ARHGAP11A: variants seen among roughly 807,000 people sequenced by gnomAD.
ARHGAP11A encodes the protein Rho GTPase activating protein 11A, also known as rho GTPase-activating protein 11A.
A neutral mutation model predicts 60.5 loss-of-function variants in ARHGAP11A; 36 were observed. The ratio of observed to expected loss-of-function variants is 0.59; its 90% CI spans 0.46 to 0.79. The LOEUF (loss-of-function observed/expected upper bound fraction) is 0.79. Ranked by LOEUF, ARHGAP11A falls within the 30% of genes least tolerant of loss-of-function variation. The probability of loss-of-function intolerance (pLI) is 0.00; values close to 1 mark genes in which losing one functional copy is unlikely to be tolerated. For missense variants in ARHGAP11A, 1,071 were observed against 1,199.2 expected (o/e 0.89, Z 1.58); for synonymous variants, 362 against 415.5 (o/e 0.87, Z 1.57).
rs991871454 is a variant in ARHGAP11A at position 32,639,745 on chromosome 15, GTAGGGTAAC to G, written c.*1904_*1912del. 2.6e-5 allele frequency: 4 copies of G among 152,202 alleles called. No homozygotes were observed. Among genetic ancestry groups the G allele is most frequent in the Non-Finnish European group, 5.9e-5 (4 of 68,026 alleles). The allele number at this position is 152,202 out of a possible 1,614,324, so 9.4% of individuals were successfully genotyped here. A position where few individuals can be genotyped will look rare whatever the true frequency, so the allele number is the denominator to read the frequency against. The stretch of plus-strand genomic sequence containing the variant: ...GAATGTGAAGGTGACTAGCTTGAAG[GTAGGGTAAC>G]TAGAGAGCCAGAAAAGTTTTGTTTT... On this transcript the variant is annotated 3_prime_UTR_variant, in exon 12 of 12. Coordinates refer to ENST00000361627, the MANE Select transcript of ARHGAP11A (RefSeq NM_014783.6).
chr15:32,631,883 C>T (rs984277299), intron 8 of ARHGAP11A, among the ~76,000 whole-genome samples: 5 of 152,108 alleles, frequency 3.3e-5, no homozygotes, highest in African/African-American at 7.2e-5. Context: ...ACCATGTTGG[C>T]CAGGCTGGTT....
rs571454562 is a variant in ARHGAP11A at position 32,631,502 on chromosome 15, G to A, written c.1106-1477G>A. ...TTTAGTAGAGACGGGGTTTCACCAC[G>A]TTGGCCAGGCTGGTCTTGAACTCCC... On this transcript the variant is annotated intron_variant, in intron 8 of 11. Coordinates refer to ENST00000361627, the MANE Select transcript of ARHGAP11A (RefSeq NM_014783.6). Among the ~76,000 whole-genome samples the A allele has an allele frequency of 2.0e-4, 30 of 152,240 alleles. No individual in the cohort carries two copies. The South Asian group carries it at 3.7e-3, about 19-fold the overall frequency.
rs2053777695 is a variant in ARHGAP11A at position 32,638,550 on chromosome 15, T to A, written c.*705T>A. On this transcript the variant is annotated 3_prime_UTR_variant, in exon 12 of 12. Coordinates refer to ENST00000361627, the MANE Select transcript of ARHGAP11A (RefSeq NM_014783.6). ...AAAGGGTAGAGATAAACTCTGCAAATCTTATGTCTGGAATTATATTAATGT... is the reference window on the plus strand; with the variant it reads ...AAAGGGTAGAGATAAACTCTGCAAAACTTATGTCTGGAATTATATTAATGT... The A allele has an allele frequency of 2.6e-5, 4 of 152,364 alleles. No individual in the cohort carries two copies. In the South Asian group the frequency reaches 8.3e-4, roughly 32 times the overall value. 9.4% of individuals were successfully genotyped at this position (152,364 alleles called of 1,614,324 possible).
chr15:32,637,771 T>G lies in ARHGAP11A; in HGVS notation c.2998T>G (p.Trp1000Gly). Residue 1000 changes from tryptophan (W) to glycine (G), a missense_variant, in exon 12 of 12, where the codon TGG (tryptophan) becomes GGG (glycine). Transcript: ENST00000361627. ...GAGACCATCAGAAAGAGGAAGGGCC[T>G]GGTACAAAGGTTCTCCAAAACATCC... is the stretch of plus-strand genomic sequence containing the variant. Reference protein sequence around the residue: ...LRRPSERGRAWYKGSPKHPIG... With the variant: ...LRRPSERGRAGYKGSPKHPIG... 1 of 1,613,784 alleles carries G rather than the reference T, an allele frequency of 6.2e-7. No homozygotes were observed. The highest frequency in any genetic ancestry group is 8.5e-7 in the Non-Finnish European group (1 of 1,179,918).
At chr15:32,621,596 CG>C (rs1473612671) in intron 2 of ARHGAP11A, among the ~76,000 whole-genome samples, 3 of 152,288 alleles carry the variant, frequency 2.0e-5, no homozygotes, top group Non-Finnish European at 2.9e-5. Context: ...GAGGCCGAGG[CG>C]GGCAGATTAC....
At position 32,628,163 on chromosome 15, in the gene ARHGAP11A, T is replaced by G. The variant is rs533322435; in HGVS notation, c.863-565T>G. Among the ~76,000 whole-genome samples, 7 of 152,326 alleles carry G rather than the reference T, an allele frequency of 4.6e-5. No individual in the cohort carries two copies. The South Asian group carries it at 1.5e-3, about 32-fold the overall frequency. ...ACTCAAGTATCTCACACACATACCC[T>G]TCAGAAATTTTAATTGGTAATAGGG... On this transcript the variant is annotated intron_variant, in intron 6 of 11. Coordinates refer to ENST00000361627, the MANE Select transcript of ARHGAP11A (RefSeq NM_014783.6).
At position 32,619,987 on chromosome 15, in the gene ARHGAP11A, T is replaced by C; in HGVS notation, c.130-121T>C. On this transcript the variant is annotated intron_variant, in intron 1 of 11. Coordinates refer to ENST00000361627, the MANE Select transcript of ARHGAP11A (RefSeq NM_014783.6). ...AAATGATTATTTTTGTCTTGATAGA[T>C]AGTTTATCATTTATTTCTGATTTTT... The C allele has an allele frequency of 6.5e-6, 10 of 1,527,110 alleles. No individual in the cohort carries two copies. The South Asian group carries it at 1.2e-4, about 19-fold the overall frequency. 94.6% of individuals were successfully genotyped at this position (1,527,110 alleles called of 1,614,324 possible).
At chr15:32,629,253 A>C (rs1267527309) in intron 7 of ARHGAP11A, among the ~76,000 whole-genome samples, 1 of 145,774 alleles carries the variant, frequency 6.9e-6, no homozygotes, top group Non-Finnish European at 1.5e-5. Flanking sequence ...CTTATGATGA[A>C]AAGCAAAAAT....
intron 8 of ARHGAP11A, 21 bp from the exon 9 acceptor site, chr15:32,632,958 T>G: frequency 6.2e-7 from 1 of 1,605,248 alleles, no homozygotes; most frequent in Non-Finnish European, 8.5e-7. Context: ...TGTGGTATAT[T>G]ACATGTGGTT....
At position 32,638,437 on chromosome 15, in the gene ARHGAP11A, T is replaced by C. The variant is rs2053774362; in HGVS notation, c.*592T>C. ...GAAGTTAATTTTTGAAAATGACATA[T>C]TTTTGTGTGATAGAAAGAATGGAGC... is the stretch of plus-strand genomic sequence containing the variant. On this transcript the variant is annotated 3_prime_UTR_variant, in exon 12 of 12. Transcript: ENST00000361627. 1.3e-5 allele frequency: 2 copies of C among 152,234 alleles called. No individual in the cohort carries two copies. Among genetic ancestry groups the C allele is most frequent in the African/African-American group, 4.8e-5 (2 of 41,460 alleles). The allele number at this position is 152,234 out of a possible 1,614,324, so 9.4% of individuals were successfully genotyped here.
intron 4 of ARHGAP11A, 101 bp downstream of exon 4, chr15:32,624,527 C>T (rs2053413499): frequency 2.1e-6 from 3 of 1,454,036 alleles, no homozygotes; most frequent in Non-Finnish European, 2.8e-6. Context: ...GGAAATTTTT[C>T]TTTAAAAATT....
At chr15:32,631,954 C>CGT (rs1567057265) in intron 8 of ARHGAP11A, among the ~76,000 whole-genome samples, 1 of 152,178 alleles carries the variant, frequency 6.6e-6, no homozygotes, top group Admixed American at 6.5e-5. Flanking sequence ...GGATTACAGA[C>CGT]GTGAGTCACG....
In ARHGAP11A at chr15:32,624,381, A is replaced by G. The variant is rs1331809538; in HGVS notation, c.506A>G (p.His169Arg). 6 of 1,613,926 alleles carry G rather than the reference A, an allele frequency of 3.7e-6. No individual in the cohort carries two copies. In the South Asian group the frequency reaches 5.5e-5, roughly 15 times the overall value. ...TGTCTTCTGGCTGACCACACAGTTC[A>G]TGTATTAAGATACTTCTTTAACTTT... ...LSCLLADHTV[H>R]VLRYFFNFLR... The change falls in exon 4 of 12, where the codon CAT (histidine) becomes CGT (arginine). Residue 169 changes from histidine (H) to arginine (R), a missense_variant. Physicochemically the swap from His to Arg is conservative, Grantham distance 29. Coordinates refer to ENST00000361627, the MANE Select transcript of ARHGAP11A (RefSeq NM_014783.6).
intron 2 of ARHGAP11A, among the ~76,000 whole-genome samples, chr15:32,621,162 A>G (rs1595760378): frequency 8.7e-6 from 1 of 114,516 alleles, no homozygotes; most frequent in African/African-American, 3.3e-5. Context: ...GCCACTTACT[A>G]TTTATAAATA....
chr15:32,625,035 A>G (rs1267236302), intron 4 of ARHGAP11A, 45 bp from the exon 5 acceptor site: 1 of 1,598,260 alleles, frequency 6.3e-7, no homozygotes, highest in Non-Finnish European at 8.6e-7. Context: ...ACTCTTCTGT[A>G]TTTTCACGTT....
Position 32,636,916 on chromosome 15 carries a change from C to T in ARHGAP11A, c.2143C>T (p.Gln715Ter). ...TATGCCAAAAGATTATTTAAGCAAGCAAGAATTCTCCAGTGATGAAGAAAT... is the reference window on the plus strand; with the variant it reads ...TATGCCAAAAGATTATTTAAGCAAGTAAGAATTCTCCAGTGATGAAGAAAT... ...SNMPKDYLSK[Q>*]EFSSDEEIKK... The change falls in exon 12 of 12, where the codon CAA (glutamine) becomes TAA (stop). Residue 715 changes from glutamine to a stop codon, truncating the protein, a stop_gained. Transcript: ENST00000361627. LOFTEE classifies it low-confidence loss of function (END_TRUNC). 6.2e-7 allele frequency: 1 copy of T among 1,613,038 alleles called. No individual in the cohort carries two copies. Among genetic ancestry groups the T allele is most frequent in the African/African-American group, 1.3e-5 (1 of 74,952 alleles).
intron 1 of ARHGAP11A, among the ~76,000 whole-genome samples, chr15:32,617,661 A>G (rs2053191260): frequency 1.3e-5 from 2 of 151,712 alleles, no homozygotes; most frequent in South Asian, 4.1e-4. Flanking sequence ...TTTAGTAGAG[A>G]CGGGATTTCA....
chr15:32,632,388 G>C (rs929611065), intron 8 of ARHGAP11A, among the ~76,000 whole-genome samples: 1 of 152,200 alleles, frequency 6.6e-6, no homozygotes, highest in Non-Finnish European at 1.5e-5. Context: ...TTAGGAATGT[G>C]TTATAGAATA....
intron 10 of ARHGAP11A, among the ~76,000 whole-genome samples, chr15:32,635,375 G>C (rs2053680375): frequency 6.6e-6 from 1 of 151,824 alleles, no homozygotes. Context: ...CTTGTATATT[G>C]TATTTATGCA....
Sources: gnomAD v4.1 joint callset for allele counts (sites outside exome capture counted in the v4.1 genomes callset) on GRCh38, gnomAD v4.1.1 for gene constraint, MANE v1.5 for transcripts, NCBI Gene and HGNC (gene_info 2026-07-23, HGNC 2026-07-21) for gene names.